Variants in UBE2L3 observed in about 807,000 individuals in gnomAD.
UBE2L3 encodes the protein ubiquitin-conjugating enzyme E2 L3.
A neutral mutation model predicts 17.8 loss-of-function variants in UBE2L3; 1 was observed. The observed-to-expected ratio is 0.06, with a 90% CI of 0.02 to 0.27. The LOEUF (loss-of-function observed/expected upper bound fraction) is 0.27. UBE2L3 is among the 10% of genes least tolerant of loss of function. UBE2L3 has a pLI of 1.00. For missense variants in UBE2L3, 40 were observed against 192.6 expected (o/e 0.21, Z 4.69); for synonymous variants, 44 against 68.5 (o/e 0.64, Z 1.76).
intron 1 of UBE2L3, among the ~76,000 whole-genome samples, chr22:21,582,400 C>T (rs1443332491): frequency 1.3e-5 from 2 of 151,074 alleles, no homozygotes; most frequent in Admixed American, 6.6e-5. Context: ...GTCACCCAGG[C>T]TGGAGTGCAG....
At chr22:21,552,272 C>T (rs1256524364) in intron 1 of UBE2L3, among the ~76,000 whole-genome samples, 1 of 150,592 alleles carries the variant, frequency 6.6e-6, no homozygotes, top group East Asian at 2.0e-4. Flanking sequence ...CTCATTGCAA[C>T]CTCTACCTTC....
chr22:21,568,206 G>A, intron 1 of UBE2L3: 1 of 992,110 alleles, frequency 1.0e-6, no homozygotes. Context: ...GCAGCGCGCC[G>A]GGCTTGCAGC....
intron 1 of UBE2L3, among the ~76,000 whole-genome samples, chr22:21,589,057 A>G (rs1348082110): frequency 4.0e-5 from 6 of 151,828 alleles, no homozygotes; most frequent in Admixed American, 3.9e-4. Context: ...GCCTCCCAAA[A>G]TGCTGGGATT....
At chr22:21,602,590 C>T (rs1046381417) in intron 2 of UBE2L3, among the ~76,000 whole-genome samples, 3 of 152,210 alleles carry the variant, frequency 2.0e-5, no homozygotes, top group Non-Finnish European at 4.4e-5. Context: ...GATTTGACCA[C>T]AGGGTTAGAG....
chr22:21,615,321 C>T (rs1329303022), intron 3 of UBE2L3, among the ~76,000 whole-genome samples: 1 of 151,710 alleles, frequency 6.6e-6, no homozygotes, highest in African/African-American at 2.4e-5. Flanking sequence ...TTTGGGAGGC[C>T]AAGGCGGGCA....
chr22:21,567,916 T>C (rs1036629679), intron 1 of UBE2L3, 145 bp downstream of exon 1: 48 of 1,499,224 alleles, frequency 3.2e-5, no homozygotes, highest in Admixed American at 9.3e-5. Flanking sequence ...GCGCGCAGGC[T>C]CAAGGTGCTA....
chr22:21,581,583 C>T (rs1277036562), intron 1 of UBE2L3, among the ~76,000 whole-genome samples: 4 of 152,130 alleles, frequency 2.6e-5, no homozygotes, highest in African/African-American at 4.8e-5. Context: ...GGGCAGATCA[C>T]CTGAGGTCGG....
intron 1 of UBE2L3, among the ~76,000 whole-genome samples, chr22:21,571,473 A>G (rs1467606045): frequency 6.6e-6 from 1 of 152,044 alleles, no homozygotes; most frequent in Non-Finnish European, 1.5e-5. Context: ...CGATGGCACG[A>G]TCTCTGTGCA....
At chr22:21,603,202 C>A (rs1389535371) in intron 2 of UBE2L3, among the ~76,000 whole-genome samples, 1 of 151,938 alleles carries the variant, frequency 6.6e-6, no homozygotes, top group Non-Finnish European at 1.5e-5. Flanking sequence ...AAAAGAAAAT[C>A]CACTTTAAAA....
intron 1 of UBE2L3, among the ~76,000 whole-genome samples, chr22:21,592,231 G>T (rs1218688981): frequency 6.6e-6 from 1 of 152,116 alleles, no homozygotes; most frequent in Admixed American, 6.6e-5. Context: ...TTGCAGCTGA[G>T]GAAACAGGCT....
chr22:21,609,619 G>A lies in UBE2L3; in HGVS notation c.124-1238G>A, dbSNP rs1230664124. 2.6e-5 allele frequency among the ~76,000 whole-genome samples: 4 copies of A among 151,898 alleles called. No homozygotes were observed. In the South Asian group the frequency reaches 6.2e-4, roughly 24 times the overall value. ...GCTACTTGGGAGGCTGAGGTGGGAG[G>A]ATTGCTTGAGCCTGTGAAGTCAAGG... On this transcript the variant is annotated intron_variant, in intron 2 of 3. Transcript: ENST00000342192.
intron 1 of UBE2L3, 22 bp downstream of exon 1, chr22:21,567,793 C>A: frequency 7.0e-6 from 11 of 1,575,012 alleles, no homozygotes; most frequent in Non-Finnish European, 9.5e-6. Flanking sequence ...TCTCTGGCAG[C>A]GGCCGGGCGT....
At chr22:21,563,134 C>T (rs1467612181), upstream of UBE2L3, among the ~76,000 whole-genome samples, 1 of 150,460 alleles carries the variant, frequency 6.6e-6, no homozygotes, top group African/African-American at 2.5e-5. Context: ...CCCAGCTACT[C>T]GGGAGGCTGG....
upstream of UBE2L3, among the ~76,000 whole-genome samples, chr22:21,564,326 A>G (rs1265040289): frequency 6.6e-6 from 1 of 151,982 alleles, no homozygotes; most frequent in Admixed American, 6.6e-5. Flanking sequence ...GAGTCACCAC[A>G]AGGTTACTTC....
At chr22:21,588,055 ACT>A (rs1313321577) in intron 1 of UBE2L3, among the ~76,000 whole-genome samples, 4 of 150,874 alleles carry the variant, frequency 2.7e-5, no homozygotes, top group African/African-American at 7.3e-5. Context: ...TTTCCCTTGA[ACT>A]CTCTCTTTGT....
At chr22:21,572,850 A>G (rs193020762) in intron 1 of UBE2L3, among the ~76,000 whole-genome samples, 15 of 152,154 alleles carry the variant, frequency 9.9e-5, no homozygotes, top group Admixed American at 9.2e-4. Flanking sequence ...TTAATGGTTC[A>G]CTTGTCTACT....
intron 1 of UBE2L3, among the ~76,000 whole-genome samples, chr22:21,588,557 G>T (rs1928078025): frequency 6.9e-6 from 1 of 145,094 alleles, no homozygotes; most frequent in African/African-American, 2.6e-5. Context: ...GCACAGCCTT[G>T]ACTGCCAGGG....
intron 2 of UBE2L3, among the ~76,000 whole-genome samples, chr22:21,595,767 T>G (rs1161903628): frequency 6.6e-6 from 1 of 152,230 alleles, no homozygotes; most frequent in Non-Finnish European, 1.5e-5. Context: ...TACTGCCCTT[T>G]AGGAACTAGA....
intron 1 of UBE2L3, among the ~76,000 whole-genome samples, chr22:21,579,001 A>ATTTTT (rs565044564): frequency 1.3e-5 from 2 of 148,378 alleles, no homozygotes; most frequent in African/African-American, 5.0e-5. Context: ...TTATTTATTT[A>ATTTTT]TTTTTTGAGA....
Sources: allele counts gnomAD v4.1 joint callset (sites outside exome capture counted in the v4.1 genomes callset), GRCh38; gene constraint gnomAD v4.1.1; transcripts MANE v1.5; gene names NCBI Gene and HGNC (gene_info 2026-07-23, HGNC 2026-07-21).